Variants in NR2F1-AS1 observed in about 807,000 individuals in gnomAD.
NR2F1-AS1 encodes NR2F1 regulatory antisense RNA 1, also known as NR2F1 antisense RNA 1.
At chr5:93,562,368 T>C (rs966907676) in intron 2 of NR2F1-AS1, among the ~76,000 whole-genome samples, 3 of 152,182 alleles carry the variant, frequency 2.0e-5, no homozygotes, top group Non-Finnish European at 4.4e-5. Context: ...CTCAGCTCAC[T>C]GCAGCCTTGA....
intron 4 of NR2F1-AS1, among the ~76,000 whole-genome samples, chr5:93,516,045 G>C (rs987691068): frequency 6.6e-6 from 1 of 151,888 alleles, no homozygotes; most frequent in Non-Finnish European, 1.5e-5. Context: ...ATTTGTGCCT[G>C]ACACAAATAA....
At chr5:93,582,269 G>GAT (rs762801537), upstream of NR2F1-AS1, among the ~76,000 whole-genome samples, 7 of 131,692 alleles carry the variant, frequency 5.3e-5, no homozygotes, top group Non-Finnish European at 1.1e-4. Context: ...ACAGCCAGGT[G>GAT]ATAAAAAAAA....
At chr5:93,547,025 G>A (rs190292061) in intron 4 of NR2F1-AS1, among the ~76,000 whole-genome samples, 126 of 152,324 alleles carry the variant, frequency 8.3e-4, no homozygotes, top group African/African-American at 2.9e-3. Flanking sequence ...TAAGACTGCA[G>A]CATCACCTGC....
intron 4 of NR2F1-AS1, among the ~76,000 whole-genome samples, chr5:93,487,798 C>T (rs1195062951): frequency 4.6e-5 from 7 of 152,060 alleles, no homozygotes; most frequent in Admixed American, 3.9e-4. Flanking sequence ...CAATCCTAAG[C>T]ACAAAGAAAA....
chr5:93,584,979 C>T, upstream of NR2F1-AS1: 9 of 952,108 alleles, frequency 9.5e-6, no homozygotes, highest in Non-Finnish European at 1.1e-5. Flanking sequence ...CCGCGGCCCT[C>T]GGCGAGCAGC....
rs187542118 is a variant in NR2F1-AS1, at chr5:93,555,501, G to A, written n.414-506C>T. 2.8e-3 allele frequency among the ~76,000 whole-genome samples: 426 copies of A among 152,258 alleles called. 1 individual carries two copies. The highest frequency in any genetic ancestry group is 9.3e-3 in the African/African-American group (386 of 41,564). On this transcript the variant is annotated intron_variant and non_coding_transcript_variant, in intron 2 of 5. Coordinates refer to ENST00000660523, the Ensembl canonical transcript of NR2F1-AS1. ...AAGACAAAGGCAGGAGAAAGATAAC[G>A]GAGATGACTTATATGCTAAAAAGCT...
At chr5:93,465,791 G>A (rs1750216406) in intron 4 of NR2F1-AS1, among the ~76,000 whole-genome samples, 1 of 152,070 alleles carries the variant, frequency 6.6e-6, no homozygotes, top group South Asian at 2.1e-4. Context: ...GGATGAAGCT[G>A]GAAACCATCA....
chr5:93,443,087 G>A (rs923234969), intron 4 of NR2F1-AS1, among the ~76,000 whole-genome samples: 1 of 152,322 alleles, frequency 6.6e-6, no homozygotes, highest in Non-Finnish European at 1.5e-5. Flanking sequence ...ACAAAGATGA[G>A]GAGAAACCAG....
chr5:93,491,376 T>G (rs1270165239), intron 4 of NR2F1-AS1, among the ~76,000 whole-genome samples: 7 of 149,842 alleles, frequency 4.7e-5, no homozygotes, highest in South Asian at 4.3e-4. Context: ...GGTGGGGGGG[T>G]GGTGGTGCTG....
intron 4 of NR2F1-AS1, among the ~76,000 whole-genome samples, chr5:93,415,959 A>T (rs2149840257): frequency 6.6e-6 from 1 of 152,320 alleles, no homozygotes; most frequent in Admixed American, 6.5e-5. Context: ...GACTGCTTTC[A>T]TTTCACCACA....
At chr5:93,576,724 A>G (rs745552608) in intron 1 of NR2F1-AS1, among the ~76,000 whole-genome samples, 4 of 152,172 alleles carry the variant, frequency 2.6e-5, no homozygotes, top group African/African-American at 7.2e-5. Flanking sequence ...TCCAACTCAG[A>G]TCTACTTCTG....
At chr5:93,466,238 A>G (rs1434295333) in intron 4 of NR2F1-AS1, among the ~76,000 whole-genome samples, 1 of 151,792 alleles carries the variant, frequency 6.6e-6, no homozygotes, top group Non-Finnish European at 1.5e-5. Context: ...GTTTCCTCCA[A>G]TAATATCCAC....
At chr5:93,543,664 T>C (rs1280778804) in intron 4 of NR2F1-AS1, 1 of 152,188 alleles carries the variant, frequency 6.6e-6, no homozygotes, top group East Asian at 1.9e-4. Flanking sequence ...GGAAGCAAAC[T>C]CATATTTTAT....
intron 4 of NR2F1-AS1, among the ~76,000 whole-genome samples, chr5:93,500,492 A>G (rs531975841): frequency 6.6e-6 from 1 of 152,190 alleles, no homozygotes; most frequent in Non-Finnish European, 1.5e-5. Context: ...ATTCCTCTCA[A>G]AATAGTACTG....
At chr5:93,512,817 G>C (rs187513764) in intron 4 of NR2F1-AS1, among the ~76,000 whole-genome samples, 131 of 152,266 alleles carry the variant, frequency 8.6e-4, no homozygotes, top group Non-Finnish European at 1.2e-3. Flanking sequence ...TAGTCTAGGA[G>C]CAACAGGCTA....
intron 4 of NR2F1-AS1, among the ~76,000 whole-genome samples, chr5:93,490,660 T>C (rs1340942238): frequency 6.7e-6 from 1 of 149,098 alleles, no homozygotes; most frequent in Non-Finnish European, 1.5e-5. Flanking sequence ...TTGATGGTGG[T>C]TGTAGTCATG....
At chr5:93,495,347 A>G (rs1327797534) in intron 4 of NR2F1-AS1, among the ~76,000 whole-genome samples, 1 of 151,790 alleles carries the variant, frequency 6.6e-6, no homozygotes. Context: ...GTCTTTTCTC[A>G]TTAAGAAAAA....
At chr5:93,445,973 A>G (rs1749695852) in intron 4 of NR2F1-AS1, among the ~76,000 whole-genome samples, 1 of 152,232 alleles carries the variant, frequency 6.6e-6, no homozygotes, top group African/African-American at 2.4e-5. Flanking sequence ...CAATAGATGC[A>G]GAAAAGGTCT....
chr5:93,505,601 T>C (rs1431276457), intron 4 of NR2F1-AS1, among the ~76,000 whole-genome samples: 1 of 152,238 alleles, frequency 6.6e-6, no homozygotes, highest in African/African-American at 2.4e-5. Flanking sequence ...TTGACTTCTG[T>C]GCCCTTGCAG....
Sources: gnomAD v4.1 joint callset for allele counts (sites outside exome capture counted in the v4.1 genomes callset) on GRCh38, gnomAD v4.1.1 for gene constraint, MANE v1.5 for transcripts, NCBI Gene and HGNC (gene_info 2026-07-23, HGNC 2026-07-21) for gene names.